Variants in IMMP2L observed in about 807,000 individuals in gnomAD.
IMMP2L encodes the protein mitochondrial inner membrane protease subunit 2.
IMMP2L carries 18 observed loss-of-function variants against 19.3 expected under a neutral mutation model. The observed-to-expected ratio is 0.93, with a 90% confidence interval of 0.64 to 1.38. The LOEUF is 1.38. Among genes scored for constraint, IMMP2L ranks in the 40% most tolerant of loss-of-function variants. The pLI is 0.00. For missense variants in IMMP2L, 233 were observed against 218.2 expected (o/e 1.07, Z -0.43); for synonymous variants, 76 against 73.0 (o/e 1.04, Z -0.21).
chr7:110,937,962 T>A (rs1365009811), intron 4 of IMMP2L, among the ~76,000 whole-genome samples: 1 of 152,168 alleles, frequency 6.6e-6, no homozygotes, highest in Non-Finnish European at 1.5e-5. Context: ...TCATATGAAG[T>A]GGCCTCTGTT....
intron 3 of IMMP2L, chr7:111,391,832 C>T (rs542467485): frequency 7.1e-6 from 5 of 702,104 alleles, no homozygotes; most frequent in Non-Finnish European, 1.3e-5. Flanking sequence ...GACAACACGA[C>T]CATACCTCTC....
At chr7:110,766,275 G>A (rs935323494) in intron 5 of IMMP2L, among the ~76,000 whole-genome samples, 1 of 152,040 alleles carries the variant, frequency 6.6e-6, no homozygotes, top group Non-Finnish European at 1.5e-5. Context: ...AATCTGGAAA[G>A]GCTTTAACTT....
chr7:110,782,551 T>A (rs1799809869), intron 5 of IMMP2L, among the ~76,000 whole-genome samples: 1 of 151,868 alleles, frequency 6.6e-6, no homozygotes, highest in Non-Finnish European at 1.5e-5. Context: ...TTTTTGATGG[T>A]CTGTCAAGCA....
At chr7:111,432,277 T>C (rs1019911723) in intron 3 of IMMP2L, among the ~76,000 whole-genome samples, 1 of 151,756 alleles carries the variant, frequency 6.6e-6, no homozygotes, top group Admixed American at 6.6e-5. Context: ...TGTTGATGAT[T>C]GTTGTGGTGT....
intron 3 of IMMP2L, among the ~76,000 whole-genome samples, chr7:111,264,501 G>C (rs1368005485): frequency 1.3e-5 from 2 of 151,992 alleles, no homozygotes; most frequent in African/African-American, 4.8e-5. Flanking sequence ...AATTGTCTAA[G>C]CAAGATTTTC....
intron 3 of IMMP2L, among the ~76,000 whole-genome samples, chr7:111,292,384 A>C (rs1821207111): frequency 6.6e-6 from 1 of 152,022 alleles, no homozygotes; most frequent in Non-Finnish European, 1.5e-5. Context: ...ATCCTCTTAC[A>C]TTTGTACAGT....
intron 3 of IMMP2L, among the ~76,000 whole-genome samples, chr7:111,022,978 C>A (rs1718368694): frequency 1.3e-5 from 2 of 152,160 alleles, no homozygotes; most frequent in African/African-American, 2.4e-5. Flanking sequence ...GGACACAATA[C>A]AAATTCACCT....
intron 5 of IMMP2L, among the ~76,000 whole-genome samples, chr7:110,794,066 C>T (rs528110759): frequency 1.2e-4 from 19 of 152,172 alleles, no homozygotes; most frequent in African/African-American, 4.1e-4. Context: ...CAAAATGGCA[C>T]GGCCACTTTG....
chr7:111,468,365 G>A (rs2132076020), intron 3 of IMMP2L, among the ~76,000 whole-genome samples: 1 of 152,154 alleles, frequency 6.6e-6, no homozygotes, highest in African/African-American at 2.4e-5. Context: ...CTAATTATGG[G>A]TATCACATAA....
At chr7:110,872,433 C>T (rs774833461) in intron 5 of IMMP2L, among the ~76,000 whole-genome samples, 2 of 152,050 alleles carry the variant, frequency 1.3e-5, no homozygotes, top group African/African-American at 4.8e-5. Flanking sequence ...TACTTTTTAC[C>T]TTTTATTATA....
intron 3 of IMMP2L, among the ~76,000 whole-genome samples, chr7:110,999,378 G>T (rs1585670119): frequency 5.0e-5 from 6 of 119,808 alleles, no homozygotes; most frequent in Non-Finnish European, 5.3e-5. Context: ...TGGCATCTAT[G>T]CTTTATAGCT....
intron 5 of IMMP2L, among the ~76,000 whole-genome samples, chr7:110,813,318 A>C (rs529571748): frequency 1.1e-3 from 163 of 152,190 alleles, no homozygotes; most frequent in African/African-American, 3.7e-3. Context: ...GGTCCTTTTA[A>C]CAGAAAAAAA....
intron 5 of IMMP2L, among the ~76,000 whole-genome samples, chr7:110,835,347 C>T (rs766184557): frequency 3.3e-5 from 5 of 152,180 alleles, no homozygotes; most frequent in East Asian, 1.9e-4. Context: ...AAGGTCTGAT[C>T]CACTTACCTA....
chr7:111,383,688 G>A (rs546540928), intron 3 of IMMP2L, among the ~76,000 whole-genome samples: 1 of 152,076 alleles, frequency 6.6e-6, no homozygotes, highest in African/African-American at 2.4e-5. Context: ...GGTAGGTGGA[G>A]GATTCAATAA....
At chr7:111,472,632 AAGAAAAG>A (rs1192091374) in intron 3 of IMMP2L, among the ~76,000 whole-genome samples, 1 of 152,016 alleles carries the variant, frequency 6.6e-6, no homozygotes, top group Non-Finnish European at 1.5e-5. Flanking sequence ...GCTTTTCATT[AAGAAAAG>A]ACACAATTAT....
chr7:111,320,222 C>T (rs1220570359), intron 3 of IMMP2L, among the ~76,000 whole-genome samples: 1 of 152,090 alleles, frequency 6.6e-6, no homozygotes, highest in Non-Finnish European at 1.5e-5. Context: ...AAATCCCAAA[C>T]TACACCTTCT....
chr7:110,879,864 T>C (rs981675012), intron 5 of IMMP2L, among the ~76,000 whole-genome samples: 1 of 152,150 alleles, frequency 6.6e-6, no homozygotes, highest in Admixed American at 6.6e-5. Context: ...AAGAGAGGGC[T>C]TTCTTGCCTT....
At chr7:111,406,908 A>C (rs1334548152) in intron 3 of IMMP2L, among the ~76,000 whole-genome samples, 1 of 152,032 alleles carries the variant, frequency 6.6e-6, no homozygotes, top group Non-Finnish European at 1.5e-5. Context: ...TGTGGTTCTA[A>C]CAGAGGTTTA....
At chr7:110,763,974 T>C (rs1293395568) in intron 5 of IMMP2L, among the ~76,000 whole-genome samples, 1 of 152,156 alleles carries the variant, frequency 6.6e-6, no homozygotes, top group African/African-American at 2.4e-5. Context: ...GCCCAGCTCT[T>C]TGCTAAATTA....
Sources: gnomAD v4.1 joint callset for allele counts (sites outside exome capture counted in the v4.1 genomes callset) on GRCh38, gnomAD v4.1.1 for gene constraint, MANE v1.5 for transcripts, NCBI Gene and HGNC (gene_info 2026-07-23, HGNC 2026-07-21) for gene names.